The following RRAGC variants were observed in gnomAD, a reference collection of about 807,000 sequenced individuals.
The protein encoded by RRAGC is Ras related GTP binding C, also known as ras-related GTP-binding protein C.
In RRAGC, 8 loss-of-function variants were observed where a neutral mutation model predicts 37.1. That is an observed-to-expected ratio of 0.22 (90% confidence interval 0.13 to 0.39). RRAGC has a LOEUF of 0.39. Among genes scored for constraint, RRAGC ranks in the 10% least tolerant of loss-of-function variants. RRAGC has a pLI of 1.00. For synonymous variants in RRAGC, 190 were observed against 181.1 expected (o/e 1.05, Z -0.39); for missense variants, 342 against 497.6 (o/e 0.69, Z 2.98).
At position 38,844,758 on chromosome 1, in the gene RRAGC, C is replaced by T. The variant is rs569943963; in HGVS notation, c.1048+1181G>A. On this transcript the variant is annotated intron_variant, in intron 6 of 6. Transcript: ENST00000373001. The stretch of plus-strand genomic sequence containing the variant: ...ACAAACGGCTAATATCCAGAATCTA[C>T]GAGGAACTTAAACAAATGTACAAGA... Among the ~76,000 whole-genome samples, 503 of 152,164 alleles carry T rather than the reference C, an allele frequency of 3.3e-3. 2 individuals are homozygous for T. Among genetic ancestry groups the T allele is most frequent in the African/African-American group, 0.011 (464 of 41,514 alleles).
In RRAGC at chr1:38,859,763, G is replaced by T. The variant is rs892761265; in HGVS notation, c.-117C>A. 3.3e-6 allele frequency: 3 copies of T among 910,650 alleles called. No homozygotes were observed. In the African/African-American group the frequency reaches 5.3e-5, roughly 16 times the overall value. 56.4% of individuals were successfully genotyped at this position (910,650 alleles called of 1,614,324 possible). On this transcript the variant is annotated 5_prime_UTR_variant, in exon 1 of 7. Transcript: ENST00000373001. ...ACCACCGCCACCGCCCCCGGCAGCC[G>T]CCACAGTCCGGCCCGCCCCCCGGAG...
At chr1:38,850,004 A>C (rs1642079562) in intron 5 of RRAGC, among the ~76,000 whole-genome samples, 2 of 151,660 alleles carry the variant, frequency 1.3e-5, no homozygotes, top group South Asian at 4.2e-4. Context: ...CAGGAGTTCG[A>C]GACCAGCCTG....
At position 38,859,723 on chromosome 1, in the gene RRAGC, TCCGCCGCCG is replaced by T. The variant is rs915993418; in HGVS notation, c.-86_-78del. 20 of 1,167,302 alleles carry T rather than the reference TCCGCCGCCG, an allele frequency of 1.7e-5. No individual in the cohort carries two copies. Among genetic ancestry groups the T allele is most frequent in the Non-Finnish European group, 2.2e-5 (20 of 929,188 alleles). 72.3% of individuals were successfully genotyped at this position (1,167,302 alleles called of 1,614,324 possible). On this transcript the variant is annotated 5_prime_UTR_variant, in exon 1 of 7. Coordinates refer to ENST00000373001, the MANE Select transcript of RRAGC (RefSeq NM_022157.4). Reference sequence around the variant, plus strand: ...CAGGCCGCCGCCTCCCCAGTCCGCCTCCGCCGCCGCCGCCACCACCGCCACCGCCCCCGG... The same window carrying T: ...CAGGCCGCCGCCTCCCCAGTCCGCCTCCGCCACCACCGCCACCGCCCCCGG...
intron 2 of RRAGC, 160 bp downstream of exon 2, chr1:38,856,719 T>A (rs1423834965): frequency 3.1e-6 from 2 of 637,026 alleles, no homozygotes; most frequent in Non-Finnish European, 5.5e-6. Context: ...ACAATGCATG[T>A]CTGCTCCCAA....
At chr1:38,847,323 T>G (rs1642039069) in intron 5 of RRAGC, 2 of 151,724 alleles carry the variant, frequency 1.3e-5, no homozygotes, top group Admixed American at 6.6e-5. Context: ...TCAAAAAAAA[T>G]TTGGGGTCTG....
rs1238353397 is a variant in RRAGC at position 38,859,485 on chromosome 1, C to G, written c.162G>C (p.Pro54=). ...VGAGAGGGCG[P]GGADSSKPRI... ...TCGGCTTGGAGCTGTCAGCGCCCCC[C>G]GGACCACAGCCACCGCCTGCCCCTG... The change falls in exon 1 of 7, where the codon CCG becomes CCC. Residue 54 remains proline, a synonymous_variant. Transcript: ENST00000373001. 3 of 1,547,942 alleles carry G rather than the reference C, an allele frequency of 1.9e-6. No individual in the cohort carries two copies. The highest frequency in any genetic ancestry group is 2.0e-5 in the Admixed American group (1 of 50,980).
Position 38,838,584 on chromosome 1 carries a change from G to A in RRAGC, c.*969C>T, listed in dbSNP as rs1034535832. 6.6e-6 allele frequency: 1 copy of A among 152,236 alleles called. No homozygotes were observed. The highest frequency in any genetic ancestry group is 2.4e-5 in the African/African-American group (1 of 41,462). The allele number at this position is 152,236 out of a possible 1,614,324, so 9.4% of individuals were successfully genotyped here. ...TTGGTGTCAGAATACTAGAGACAAA[G>A]TATGTAAAACAATGCCTGTTGCAGC... On this transcript the variant is annotated 3_prime_UTR_variant, in exon 7 of 7. Transcript: ENST00000373001.
At chr1:38,848,593 T>C (rs1425417495) in intron 5 of RRAGC, among the ~76,000 whole-genome samples, 2 of 152,216 alleles carry the variant, frequency 1.3e-5, no homozygotes, top group Non-Finnish European at 2.9e-5. Context: ...CTTAAAATGC[T>C]TGCTCAGAAT....
rs1642109799 is a variant in RRAGC at position 38,852,257 on chromosome 1, G to C, written c.756+117C>G. ...ATTTTACATGTTAAGTGGGTCACTA[G>C]TCTTTGTACTTGATACAGATTAATT... On this transcript the variant is annotated intron_variant, in intron 4 of 6. Transcript: ENST00000373001. The C allele has an allele frequency of 1.4e-5, 10 of 695,174 alleles. No individual in the cohort carries two copies. The South Asian group carries it at 1.6e-4, about 11-fold the overall frequency. 43.1% of individuals were successfully genotyped at this position (695,174 alleles called of 1,614,324 possible).
intron 5 of RRAGC, among the ~76,000 whole-genome samples, chr1:38,849,899 T>C (rs1005897734): frequency 2.2e-4 from 33 of 152,204 alleles, no homozygotes; most frequent in African/African-American, 7.7e-4. Context: ...CAATGTCTCA[T>C]TTTGATTATG....
chr1:38,845,406 A>T (rs1209817741), intron 6 of RRAGC, among the ~76,000 whole-genome samples: 1 of 152,222 alleles, frequency 6.6e-6, no homozygotes, highest in Non-Finnish European at 1.5e-5. Context: ...GTTCTCACTC[A>T]TAAGTAGGGA....
At chr1:38,841,345 C>T (rs764422928) in intron 6 of RRAGC, among the ~76,000 whole-genome samples, 42 of 151,658 alleles carry the variant, frequency 2.8e-4, no homozygotes, top group African/African-American at 9.4e-4. Flanking sequence ...TTTGTATACA[C>T]CTGAAAATTT....
intron 4 of RRAGC, among the ~76,000 whole-genome samples, chr1:38,852,049 T>TA (rs1642106735): frequency 6.6e-6 from 1 of 152,220 alleles, no homozygotes; most frequent in Non-Finnish European, 1.5e-5. Flanking sequence ...CAAAAATCTC[T>TA]AAAAATCAAG....
At chr1:38,851,568 A>T (rs752888855) in intron 5 of RRAGC, 47 bp downstream of exon 5, 2 of 1,451,660 alleles carry the variant, frequency 1.4e-6, no homozygotes, top group Non-Finnish European at 9.1e-7. Context: ...TCAAGTTAAT[A>T]GTTTTCCGCC....
At chr1:38,857,146 C>G (rs569546598) in intron 1 of RRAGC, 64 bp from the exon 2 acceptor site, 13 of 1,338,364 alleles carry the variant, frequency 9.7e-6, no homozygotes, top group Non-Finnish European at 1.4e-5. Flanking sequence ...TAAAATTCCA[C>G]CCTGGTTTAA....
intron 5 of RRAGC, among the ~76,000 whole-genome samples, chr1:38,850,638 A>C (rs917909515): frequency 1.3e-5 from 2 of 150,184 alleles, no homozygotes; most frequent in Admixed American, 1.3e-4. Context: ...GCAGCTGGAG[A>C]AATTAAGCAA....
intron 6 of RRAGC, 23 bp downstream of exon 6, chr1:38,845,916 A>ATG (rs1194505960): frequency 2.5e-6 from 4 of 1,578,186 alleles, no homozygotes; most frequent in Non-Finnish European, 3.4e-6. Flanking sequence ...TAACATAAAA[A>ATG]CAGCTTTTTA....
Position 38,851,760 on chromosome 1 carries a change from T to A in RRAGC, c.757-3A>T, listed in dbSNP as rs760897013. 6.2e-7 allele frequency: 1 copy of A among 1,608,618 alleles called. No individual in the cohort carries two copies. Among genetic ancestry groups the A allele is most frequent in the South Asian group, 1.1e-5 (1 of 89,956 alleles). On this transcript the variant is annotated splice_region_variant and splice_polypyrimidine_tract_variant and intron_variant, in intron 4 of 6. Coordinates refer to ENST00000373001, the MANE Select transcript of RRAGC (RefSeq NM_022157.4). ...AAAGCTTTTTCAATACCTGAATTCTTGGAAAAACAAATGGGAAACTGTTCA... is the reference window on the plus strand; with the variant it reads ...AAAGCTTTTTCAATACCTGAATTCTAGGAAAAACAAATGGGAAACTGTTCA...
chr1:38,859,357 C>A, intron 1 of RRAGC, 53 bp downstream of exon 1: 1 of 1,493,434 alleles, frequency 6.7e-7, no homozygotes, highest in Non-Finnish European at 9.1e-7. Flanking sequence ...TCCCCGCTAC[C>A]GGCCACCTGA....
Sources: gnomAD v4.1 joint callset for allele counts (sites outside exome capture counted in the v4.1 genomes callset) on GRCh38, gnomAD v4.1.1 for gene constraint, MANE v1.5 for transcripts, NCBI Gene and HGNC (gene_info 2026-07-23, HGNC 2026-07-21) for gene names.